Variants in IREB2 observed in about 807,000 individuals in gnomAD.
IREB2 encodes iron-responsive element-binding protein 2.
In IREB2, 39 loss-of-function variants were observed where a neutral mutation model predicts 118.8. That is an observed-to-expected ratio of 0.33 (90% CI 0.25 to 0.43). The LOEUF is 0.43. Among genes scored for constraint, IREB2 ranks in the 20% least tolerant of loss-of-function variants. The pLI is 1.00. For missense variants in IREB2, 900 were observed against 1,147.3 expected (o/e 0.78, Z 3.11); for synonymous variants, 372 against 392.2 (o/e 0.95, Z 0.61).
At chr15:78,483,566 A>G (rs2051611396) in intron 11 of IREB2, 132 bp downstream of exon 11, 2 of 576,970 alleles carry the variant, frequency 3.5e-6, no homozygotes, top group Non-Finnish European at 3.1e-6. Context: ...CAGCCCCCTT[A>G]TTTTCCTTCT....
In IREB2 at chr15:78,473,314, G is replaced by A; in HGVS notation, c.956G>A (p.Gly319Glu). Residue 319 changes from glycine to glutamate, a missense_variant, in exon 8 of 22, where the codon GGA (glycine) becomes GAA (glutamate). Physicochemically the swap from Gly to Glu is moderately conservative, Grantham distance 98 (BLOSUM62 -2). Coordinates refer to ENST00000258886, the MANE Select transcript of IREB2 (RefSeq NM_004136.4). The stretch of plus-strand genomic sequence containing the variant: ...TCTCTTACTTTACCAGAGGTGGTTG[G>A]ATGTGAGTTAACTGGGTCATCAAAC... ...PVSLTLPEVV[G>E]CELTGSSNPF... 6.2e-7 allele frequency: 1 copy of A among 1,613,830 alleles called. No homozygotes were observed. The highest frequency in any genetic ancestry group is 8.5e-7 in the Non-Finnish European group (1 of 1,179,734).
Position 78,494,366 on chromosome 15 carries a change from A to T in IREB2, c.2595+102A>T, listed in dbSNP as rs183346322. On this transcript the variant is annotated intron_variant, in intron 20 of 21. Transcript: ENST00000258886. ...AAGTTTATCTGGATTTTTTATAGTT[A>T]TTTGAACCTTATAGGTATAGAGGGT... 1,553 of 1,204,758 alleles carry T rather than the reference A, an allele frequency of 1.3e-3. 4 individuals are homozygous for T. Among genetic ancestry groups the T allele is most frequent in the Non-Finnish European group, 1.7e-3 (1,404 of 846,916 alleles). 74.6% of individuals were successfully genotyped at this position (1,204,758 alleles called of 1,614,324 possible). A position where few individuals can be genotyped will look rare whatever the true frequency, so the allele number is the denominator to read the frequency against.
chr15:78,494,134 A>T lies in IREB2; in HGVS notation c.2473-8A>T. On this transcript the variant is annotated splice_region_variant and splice_polypyrimidine_tract_variant and intron_variant, in intron 19 of 21. Transcript: ENST00000258886. Reference sequence around the variant, plus strand: ...ATTAAAAAATTTTGTGTTTGTTTTAATCTACAGCTAGATGTATTTGAGGCT... The same window carrying T: ...ATTAAAAAATTTTGTGTTTGTTTTATTCTACAGCTAGATGTATTTGAGGCT... 6.2e-7 allele frequency: 1 copy of T among 1,613,060 alleles called. No homozygotes were observed. Among genetic ancestry groups the T allele is most frequent in the Non-Finnish European group, 8.5e-7 (1 of 1,179,726 alleles).
chr15:78,438,413 G>A (rs533378408), intron 1 of IREB2, 57 bp downstream of exon 1: 1 of 1,561,982 alleles, frequency 6.4e-7, no homozygotes, highest in African/African-American at 1.3e-5. Context: ...CTGCCTAGGC[G>A]CCGAATTCCT....
At chr15:78,477,445 G>T (rs1361385533) in intron 9 of IREB2, among the ~76,000 whole-genome samples, 1 of 152,210 alleles carries the variant, frequency 6.6e-6, no homozygotes, top group African/African-American at 2.4e-5. Context: ...GCTGTCAGCT[G>T]AGGACTTAGG....
At position 78,467,996 on chromosome 15, in the gene IREB2, A is replaced by G. The variant is rs183143265; in HGVS notation, c.629+1507A>G. ...CACCTCAGCTTCCCAAGTAGCTGGA[A>G]CTTCAGGCATGCACCACCATGCCTG... On this transcript the variant is annotated intron_variant, in intron 5 of 21. Transcript: ENST00000258886. 2.0e-5 allele frequency among the ~76,000 whole-genome samples: 3 copies of G among 152,128 alleles called. No homozygotes were observed. The East Asian group carries it at 5.8e-4, about 30-fold the overall frequency.
At position 78,501,453 on chromosome 15, in the gene IREB2, A is replaced by C. The variant is rs2051944930; in HGVS notation, c.*3310A>C. The C allele has an allele frequency of 6.6e-6, 1 of 152,596 alleles. No homozygotes were observed. Among genetic ancestry groups the C allele is most frequent in the Non-Finnish European group, 1.5e-5 (1 of 68,016 alleles). The allele number at this position is 152,596 out of a possible 1,614,324, so 9.5% of individuals were successfully genotyped here. On this transcript the variant is annotated 3_prime_UTR_variant, in exon 22 of 22. Coordinates refer to ENST00000258886, the MANE Select transcript of IREB2 (RefSeq NM_004136.4). ...TTAATAAAGAAAATTGTATTATCAC[A>C]TTTGATTCTTGTTCTGTTTTGTAGT...
intron 2 of IREB2, among the ~76,000 whole-genome samples, chr15:78,450,890 T>A (rs2051015219): frequency 6.6e-6 from 1 of 151,056 alleles, no homozygotes; most frequent in Non-Finnish European, 1.5e-5. Context: ...ATATACAATG[T>A]AATGGTGTCC....
chr15:78,458,255 A>G (rs2051137821), intron 2 of IREB2, among the ~76,000 whole-genome samples: 1 of 152,182 alleles, frequency 6.6e-6, no homozygotes, highest in Non-Finnish European at 1.5e-5. Context: ...GAAATACACA[A>G]CACTAAGAGT....
At chr15:78,491,174 C>T (rs1408675440) in intron 18 of IREB2, among the ~76,000 whole-genome samples, 2 of 151,876 alleles carry the variant, frequency 1.3e-5, no homozygotes, top group Admixed American at 6.6e-5. Context: ...ATAACATGTA[C>T]GTGTGTGAGG....
chr15:78,462,756 G>A (rs2141475225), intron 2 of IREB2, among the ~76,000 whole-genome samples, 166 bp from the exon 3 acceptor site: 1 of 152,230 alleles, frequency 6.6e-6, no homozygotes, highest in African/African-American at 2.4e-5. Flanking sequence ...AACACCTGAT[G>A]TTAACACGAA....
rs80211243 is a variant in IREB2, at chr15:78,440,168, G to A, written c.106+287G>A. ...TCAAACTTTTTTTTTTCTTGTTTTT[G>A]TGAAGACAGGGGTCTTGCTATGTTA... On this transcript the variant is annotated intron_variant, in intron 2 of 21. Coordinates refer to ENST00000258886, the MANE Select transcript of IREB2 (RefSeq NM_004136.4). Among the ~76,000 whole-genome samples, 572 of 151,166 alleles carry A rather than the reference G, an allele frequency of 3.8e-3. 24 individuals carry two copies. The East Asian group carries it at 0.095, about 25-fold the overall frequency.
intron 6 of IREB2, 94 bp downstream of exon 6, chr15:78,470,695 T>TC (rs2051360912): frequency 3.4e-6 from 2 of 583,458 alleles, no homozygotes; most frequent in Non-Finnish European, 5.5e-6. Context: ...TTTCCTTTTT[T>TC]TTTTTTTTTT....
chr15:78,439,928 G>A (rs1418494501), intron 2 of IREB2, 47 bp downstream of exon 2: 1 of 1,145,398 alleles, frequency 8.7e-7, no homozygotes, highest in Admixed American at 1.9e-5. Flanking sequence ...CTCTAATAAT[G>A]AAAATGCATT....
intron 8 of IREB2, chr15:78,473,723 G>C (rs939114548): frequency 5.7e-6 from 1 of 175,054 alleles, no homozygotes; most frequent in East Asian, 1.6e-4. Context: ...GTAGTAAGGG[G>C]TAGAGCAAAG....
At chr15:78,475,706 G>C (rs1355221408) in intron 8 of IREB2, 1 of 152,222 alleles carries the variant, frequency 6.6e-6, no homozygotes, top group Non-Finnish European at 1.5e-5. Flanking sequence ...TTAAAAATTA[G>C]CTGGGTGCGG....
intron 13 of IREB2, among the ~76,000 whole-genome samples, chr15:78,486,773 A>G (rs1420157041): frequency 6.6e-6 from 1 of 152,078 alleles, no homozygotes. Context: ...AGGCTCAATC[A>G]GTCTTCCTAC....
At chr15:78,481,385 C>A (rs2051568094) in intron 10 of IREB2, among the ~76,000 whole-genome samples, 1 of 151,210 alleles carries the variant, frequency 6.6e-6, no homozygotes, top group Non-Finnish European at 1.5e-5. Context: ...TTGAGAGAAT[C>A]TCGCTCTGTC....
At chr15:78,438,486 C>G in intron 1 of IREB2, 130 bp downstream of exon 1, 2 of 1,045,226 alleles carry the variant, frequency 1.9e-6, no homozygotes. Context: ...GTTGTGCTCC[C>G]CTCGGGGCCT....
Sources: allele counts gnomAD v4.1 joint callset (sites outside exome capture counted in the v4.1 genomes callset), GRCh38; gene constraint gnomAD v4.1.1; transcripts MANE v1.5; gene names NCBI Gene and HGNC (gene_info 2026-07-23, HGNC 2026-07-21).